NKAIN3: variants seen among roughly 807,000 people sequenced by gnomAD.
NKAIN3 encodes the protein sodium/potassium transporting ATPase interacting 3, also known as sodium/potassium-transporting ATPase subunit beta-1-interacting protein 3.
NKAIN3 carries 25 observed loss-of-function variants against 30.2 expected under a neutral mutation model. The observed-to-expected ratio is 0.83, with a 90% CI of 0.60 to 1.16. The LOEUF (loss-of-function observed/expected upper bound fraction) is 1.16, where lower values mean the gene tolerates loss of function less well. NKAIN3 is among the 50% of genes most tolerant of loss of function. The pLI is 0.00. For synonymous variants in NKAIN3, 91 were observed against 89.6 expected, an observed-to-expected ratio of 1.02 and a Z score of -0.09; for missense variants, 225 against 254.1, an observed-to-expected ratio of 0.89 and a Z score of 0.78.
chr8:62,511,916 G>T (rs1432008255), intron 1 of NKAIN3, among the ~76,000 whole-genome samples: 1 of 152,118 alleles, frequency 6.6e-6, no homozygotes, highest in African/African-American at 2.4e-5. Flanking sequence ...CATTATTTAT[G>T]ACCGTGGAAT....
At chr8:62,266,791 C>T (rs749447987) in intron 1 of NKAIN3, among the ~76,000 whole-genome samples, 9 of 152,104 alleles carry the variant, frequency 5.9e-5, no homozygotes, top group Non-Finnish European at 1.2e-4. Context: ...GGCAGTGACC[C>T]GACAACTCAA....
intron 4 of NKAIN3, among the ~76,000 whole-genome samples, chr8:62,900,029 T>TAA (rs5891878): frequency 0.46 from 68,322 of 147,982 alleles, 17,253 homozygotes; most frequent in African/African-American, 0.69. Flanking sequence ...CTACTGAAAT[T>TAA]AAAAAAAAAA....
chr8:62,421,789 G>C (rs923657807), intron 1 of NKAIN3, among the ~76,000 whole-genome samples: 1 of 152,002 alleles, frequency 6.6e-6, no homozygotes, highest in African/African-American at 2.4e-5. Flanking sequence ...ATATCATGAG[G>C]TTTTATAAGA....
chr8:62,661,142 G>A (rs751893617), intron 3 of NKAIN3, among the ~76,000 whole-genome samples: 10 of 152,152 alleles, frequency 6.6e-5, no homozygotes, highest in Non-Finnish European at 1.3e-4. Flanking sequence ...TTTGAAGCAC[G>A]TACGCCATCC....
At chr8:62,336,315 T>C (rs1815550456) in intron 1 of NKAIN3, among the ~76,000 whole-genome samples, 1 of 152,120 alleles carries the variant, frequency 6.6e-6, no homozygotes, top group Non-Finnish European at 1.5e-5. Flanking sequence ...TTCTCCATTT[T>C]GCCTGTTCAT....
At chr8:62,414,815 A>G (rs1052689708) in intron 1 of NKAIN3, among the ~76,000 whole-genome samples, 23 of 151,866 alleles carry the variant, frequency 1.5e-4, no homozygotes, top group Non-Finnish European at 3.4e-4. Flanking sequence ...AACATGTTAT[A>G]TACAGTAGTA....
At chr8:62,987,665 G>C (rs1326278433), downstream of NKAIN3, among the ~76,000 whole-genome samples, 1 of 151,124 alleles carries the variant, frequency 6.6e-6, no homozygotes, top group East Asian at 1.9e-4. Context: ...CTCCCACTGG[G>C]TCCCTCCTAT....
At position 62,980,533 on chromosome 8, in the gene NKAIN3, G is replaced by A. The variant is rs1338184258; in HGVS notation, c.*15126G>A. 4 of 152,124 alleles carry A rather than the reference G, an allele frequency of 2.6e-5. No homozygotes were observed. Among genetic ancestry groups the A allele is most frequent in the Non-Finnish European group, 5.9e-5 (4 of 68,028 alleles). The allele number at this position is 152,124 out of a possible 1,614,324, so 9.4% of individuals were successfully genotyped here. A position where few individuals can be genotyped will look rare whatever the true frequency, so the allele number is the denominator to read the frequency against. ...CTTTCTGGTTCCTTCATCAAAACTTGCGTTGTGTTGTGCAGCCTTTTCTTT... is the reference window on the plus strand; with the variant it reads ...CTTTCTGGTTCCTTCATCAAAACTTACGTTGTGTTGTGCAGCCTTTTCTTT... On this transcript the variant is annotated 3_prime_UTR_variant, in exon 7 of 7. Transcript: ENST00000623646.
chr8:62,359,592 A>G (rs1247337191), intron 1 of NKAIN3, among the ~76,000 whole-genome samples: 3 of 152,198 alleles, frequency 2.0e-5, no homozygotes, highest in East Asian at 1.9e-4. Context: ...GAGAGGACCA[A>G]TGGCTGTCAT....
chr8:62,862,954 T>C (rs143592611), intron 4 of NKAIN3: 2 of 432,834 alleles, frequency 4.6e-6, no homozygotes, highest in African/African-American at 4.0e-5. Context: ...GTTTTAAGTG[T>C]CTGTGTGTAT....
intron 1 of NKAIN3, among the ~76,000 whole-genome samples, chr8:62,389,442 G>A (rs1817522118): frequency 6.6e-6 from 1 of 152,150 alleles, no homozygotes; most frequent in Non-Finnish European, 1.5e-5. Flanking sequence ...AGTAGGAAAT[G>A]AAAAGAGAGA....
intron 1 of NKAIN3, among the ~76,000 whole-genome samples, chr8:62,344,263 G>A (rs1406721564): frequency 6.6e-6 from 1 of 151,968 alleles, no homozygotes; most frequent in African/African-American, 2.4e-5. Context: ...CTTCTATTTA[G>A]AATAGTTGAT....
At chr8:62,895,664 T>C (rs1821409145) in intron 4 of NKAIN3, among the ~76,000 whole-genome samples, 1 of 152,174 alleles carries the variant, frequency 6.6e-6, no homozygotes, top group South Asian at 2.1e-4. Context: ...GTGAGAACCC[T>C]AGAGTAAACC....
At chr8:62,442,262 T>C (rs1805350827) in intron 1 of NKAIN3, among the ~76,000 whole-genome samples, 1 of 152,022 alleles carries the variant, frequency 6.6e-6, no homozygotes, top group South Asian at 2.1e-4. Flanking sequence ...ATATATTTAA[T>C]TTATATTTCA....
At chr8:62,900,396 C>A (rs552036023) in intron 4 of NKAIN3, among the ~76,000 whole-genome samples, 22 of 152,270 alleles carry the variant, frequency 1.4e-4, no homozygotes, top group African/African-American at 5.3e-4. Context: ...GTATAAAAGA[C>A]CTTGCCACTA....
chr8:62,893,673 T>TGC (rs1821355302), intron 4 of NKAIN3, among the ~76,000 whole-genome samples: 6 of 136,590 alleles, frequency 4.4e-5, no homozygotes, highest in Middle Eastern at 3.8e-3. Flanking sequence ...CGTGCACACA[T>TGC]ATGCACATAT....
chr8:62,991,022 T>G (rs929520287), intron 5 of NKAIN3: 1 of 151,812 alleles, frequency 6.6e-6, no homozygotes, highest in Non-Finnish European at 1.5e-5. Flanking sequence ...GAACGAGGAG[T>G]CAGTGATGCA....
chr8:62,666,453 G>A (rs1329662082), intron 3 of NKAIN3, among the ~76,000 whole-genome samples: 1 of 152,070 alleles, frequency 6.6e-6, no homozygotes, highest in East Asian at 1.9e-4. Context: ...ACCAAAAAAA[G>A]TATGAAAAAG....
chr8:62,978,194 A>C lies in NKAIN3; in HGVS notation c.*12787A>C, dbSNP rs1823987271. 6.5e-6 allele frequency: 1 copy of C among 153,124 alleles called. No homozygotes were observed. The highest frequency in any genetic ancestry group is 1.5e-5 in the Non-Finnish European group (1 of 68,780). The allele number at this position is 153,124 out of a possible 1,614,324, so 9.5% of individuals were successfully genotyped here. On this transcript the variant is annotated 3_prime_UTR_variant, in exon 7 of 7. Transcript: ENST00000623646. ...CTCCCCATCAGGAGGCATGGGGGTC[A>C]GGGACCCACTTGTGGAAGCAGTCTG...
Sources: allele counts gnomAD v4.1 joint callset (sites outside exome capture counted in the v4.1 genomes callset), GRCh38; gene constraint gnomAD v4.1.1; transcripts MANE v1.5; gene names NCBI Gene and HGNC (gene_info 2026-07-23, HGNC 2026-07-21).